Variants in SCFD2 observed in about 807,000 individuals in gnomAD.
SCFD2 encodes the protein sec1 family domain-containing protein 2.
SCFD2 carries 54 observed loss-of-function variants against 58.9 expected under a neutral mutation model. That is an observed-to-expected ratio of 0.92 (90% CI 0.74 to 1.15). The LOEUF (loss-of-function observed/expected upper bound fraction) is 1.15. Among genes scored for constraint, SCFD2 ranks in the 50% most tolerant of loss-of-function variants. The pLI is 0.00. For missense variants in SCFD2, 805 were observed against 836.6 expected (o/e 0.96, Z 0.47); for synonymous variants, 321 against 335.9 (o/e 0.96, Z 0.49).
At chr4:53,313,522 C>T in intron 3 of SCFD2, 114 bp downstream of exon 3, 5 of 1,209,560 alleles carry the variant, frequency 4.1e-6, no homozygotes, top group Non-Finnish European at 6.0e-6. Context: ...CAACAGTATA[C>T]AAAAGTCGTT....
At chr4:53,172,681 T>G (rs1727214927) in intron 4 of SCFD2, among the ~76,000 whole-genome samples, 1 of 152,220 alleles carries the variant, frequency 6.6e-6, no homozygotes, top group Non-Finnish European at 1.5e-5. Flanking sequence ...ATTTCTAGTT[T>G]TATATCATCA....
chr4:53,327,818 G>T (rs1282728436), intron 2 of SCFD2, among the ~76,000 whole-genome samples: 2 of 152,144 alleles, frequency 1.3e-5, no homozygotes, highest in African/African-American at 2.4e-5. Context: ...GTATTGCTGG[G>T]AACTCATAGT....
intron 4 of SCFD2, among the ~76,000 whole-genome samples, chr4:53,228,844 G>C (rs574824967): frequency 6.6e-6 from 1 of 152,324 alleles, no homozygotes; most frequent in South Asian, 2.1e-4. Flanking sequence ...CCTGTTTGCA[G>C]ATGACATGAT....
At chr4:53,340,172 C>T (rs1733818180) in intron 2 of SCFD2, among the ~76,000 whole-genome samples, 1 of 152,108 alleles carries the variant, frequency 6.6e-6, no homozygotes, top group Non-Finnish European at 1.5e-5. Context: ...TGAGGCATCA[C>T]CTTACCTGGG....
chr4:53,161,109 G>A (rs550106642), intron 4 of SCFD2, among the ~76,000 whole-genome samples: 1 of 152,244 alleles, frequency 6.6e-6, no homozygotes, highest in African/African-American at 2.4e-5. Context: ...AAAGCCAAGG[G>A]AAATGTATCT....
intron 7 of SCFD2, among the ~76,000 whole-genome samples, chr4:52,889,871 C>T (rs918374810): frequency 6.6e-6 from 1 of 152,180 alleles, no homozygotes; most frequent in East Asian, 1.9e-4. Flanking sequence ...GGGGATTTTC[C>T]ATATCAGTAA....
rs1408821995 is a variant in SCFD2, at chr4:53,352,612, ACAGCCTGGTG to A, written c.983_992del (p.Ala328ValfsTer18). The A allele has an allele frequency of 6.2e-7, 1 of 1,613,046 alleles. No individual in the cohort carries two copies. Among genetic ancestry groups the A allele is most frequent in the Non-Finnish European group, 8.5e-7 (1 of 1,179,290 alleles). ...ATATATCTTACCTGGATTGTGAAAG[ACAGCCTGGTG>A]CAACCACATTATAATTTTCCTCCTC... On this transcript the variant is annotated frameshift_variant, in exon 2 of 9. Transcript: ENST00000401642. LOFTEE classifies it high-confidence loss of function.
In SCFD2 at chr4:53,298,971, A is replaced by T. The variant is rs558433001; in HGVS notation, c.1135+14665T>A. On this transcript the variant is annotated intron_variant, in intron 3 of 8. Coordinates refer to ENST00000401642, the MANE Select transcript of SCFD2 (RefSeq NM_152540.4). Reference sequence around the variant, plus strand: ...CGTCAACATCATCAAAGACCAAAGGAAGATAAAACCACAAAGATGGGGAAA... The same window carrying T: ...CGTCAACATCATCAAAGACCAAAGGTAGATAAAACCACAAAGATGGGGAAA... Among the ~76,000 whole-genome samples the T allele has an allele frequency of 5.3e-5, 8 of 152,296 alleles. No homozygotes were observed. In the Middle Eastern group the frequency reaches 0.01, roughly 194 times the overall value.
At chr4:53,274,350 T>C (rs1455618833) in intron 3 of SCFD2, among the ~76,000 whole-genome samples, 1 of 152,204 alleles carries the variant, frequency 6.6e-6, no homozygotes, top group East Asian at 1.9e-4. Context: ...GGAGTACCTC[T>C]TTATGACATA....
At chr4:53,115,309 A>C (rs1193720416) in intron 5 of SCFD2, among the ~76,000 whole-genome samples, 5 of 152,152 alleles carry the variant, frequency 3.3e-5, no homozygotes, top group Admixed American at 3.3e-4. Flanking sequence ...CTGAAAGAAC[A>C]TGATAAGATT....
In SCFD2 at chr4:52,907,588, A is replaced by G; in HGVS notation, c.1711T>C (p.Ser571Pro). The change falls in exon 7 of 9, where the codon TCT becomes CCT. Residue 571 changes from serine to proline, a missense_variant. Ser to Pro is a moderately conservative substitution (Grantham distance 74). Coordinates refer to ENST00000401642, the MANE Select transcript of SCFD2 (RefSeq NM_152540.4). The stretch of plus-strand genomic sequence containing the variant: ...ACTTGCTTCAACAATGGCTTATAAG[A>G]TGCCTGGAAAGACAAAATACTATGA... ...YVPGNHTHQA[S>P]YKPLLKQVVE... The G allele has an allele frequency of 6.2e-7, 1 of 1,614,026 alleles. No homozygotes were observed. Among genetic ancestry groups the G allele is most frequent in the Non-Finnish European group, 8.5e-7 (1 of 1,179,914 alleles).
chr4:52,938,254 G>A (rs984274600), intron 5 of SCFD2, among the ~76,000 whole-genome samples: 1 of 152,204 alleles, frequency 6.6e-6, no homozygotes, highest in African/African-American at 2.4e-5. Flanking sequence ...TTTCACAGAT[G>A]AGAAAAATAA....
At chr4:52,903,285 G>A (rs765115716) in intron 7 of SCFD2, among the ~76,000 whole-genome samples, 39 of 152,262 alleles carry the variant, frequency 2.6e-4, no homozygotes, top group Non-Finnish European at 1.6e-4. Flanking sequence ...AGGCAAGAGC[G>A]AGTGGGCTGC....
intron 7 of SCFD2, among the ~76,000 whole-genome samples, chr4:52,904,109 C>T (rs926763213): frequency 1.3e-5 from 2 of 152,216 alleles, no homozygotes; most frequent in African/African-American, 4.8e-5. Flanking sequence ...GCCTCTCAAT[C>T]TGCCCTCATC....
intron 5 of SCFD2, among the ~76,000 whole-genome samples, chr4:53,002,596 C>G (rs1159380440): frequency 6.6e-6 from 1 of 152,154 alleles, no homozygotes; most frequent in East Asian, 1.9e-4. Context: ...CTCCTATGAG[C>G]CTTGATACAG....
Position 53,365,994 on chromosome 4 carries a change from C to G in SCFD2, c.-53G>C. ...TACGGTGCAGGAACTTCTTTCAGAA[C>G]TCACCGCTTCCGGAAATTGGGCTCC... On this transcript the variant is annotated 5_prime_UTR_variant, in exon 1 of 9. Coordinates refer to ENST00000401642, the MANE Select transcript of SCFD2 (RefSeq NM_152540.4). This position sits in a 1 kb window ranked among gnomAD's most constrained non-coding sequence, Gnocchi z 4.3. The G allele has an allele frequency of 6.7e-7, 1 of 1,499,282 alleles. No individual in the cohort carries two copies. The highest frequency in any genetic ancestry group is 8.8e-7 in the Non-Finnish European group (1 of 1,131,044). 92.9% of individuals were successfully genotyped at this position (1,499,282 alleles called of 1,614,324 possible).
At position 52,901,705 on chromosome 4, in the gene SCFD2, G is replaced by A. The variant is rs543737156; in HGVS notation, c.1842+5752C>T. 4.0e-3 allele frequency among the ~76,000 whole-genome samples: 614 copies of A among 152,308 alleles called. 8 individuals are homozygous for A. The highest frequency in any genetic ancestry group is 0.014 in the African/African-American group (581 of 41,562). Reference sequence around the variant, plus strand: ...TCAATGATTTGGGATGACTTGTTATGTAGCAATAGATAAGCAGAACAGGTG... The same window carrying A: ...TCAATGATTTGGGATGACTTGTTATATAGCAATAGATAAGCAGAACAGGTG... On this transcript the variant is annotated intron_variant, in intron 7 of 8. Coordinates refer to ENST00000401642, the MANE Select transcript of SCFD2 (RefSeq NM_152540.4).
At chr4:53,002,627 G>A (rs968549892) in intron 5 of SCFD2, among the ~76,000 whole-genome samples, 1 of 152,094 alleles carries the variant, frequency 6.6e-6, no homozygotes, top group African/African-American at 2.4e-5. Flanking sequence ...TGGGTATAAG[G>A]ATATGGGCAA....
At chr4:53,248,012 T>C (rs902674488) in intron 4 of SCFD2, among the ~76,000 whole-genome samples, 2 of 152,150 alleles carry the variant, frequency 1.3e-5, no homozygotes, top group South Asian at 4.1e-4. Flanking sequence ...TCTGAGGTAC[T>C]GGGTTCATCT....
Sources: gnomAD v4.1 joint callset for allele counts (sites outside exome capture counted in the v4.1 genomes callset) on GRCh38, gnomAD v4.1.1 for gene constraint, Gnocchi (gnomAD v3.1) non-coding constraint, MANE v1.5 for transcripts, NCBI Gene and HGNC (gene_info 2026-07-23, HGNC 2026-07-21) for gene names.